CSMD1: variants seen among roughly 807,000 people sequenced by gnomAD.
CSMD1 encodes the protein CUB and sushi domain-containing protein 1.
In CSMD1, 213 loss-of-function variants were observed where a neutral mutation model predicts 417.5. The ratio of observed to expected loss-of-function variants is 0.51; its 90% CI spans 0.46 to 0.57. The LOEUF is 0.57. Ranked by LOEUF, CSMD1 falls within the 20% of genes least tolerant of loss-of-function variation. The pLI is 0.00. For synonymous variants in CSMD1, 2,862 were observed against 1,736.8 expected (o/e 1.65, Z -16.11); for missense variants, 6,923 against 4,529.7 (o/e 1.53, Z -15.17).
chr8:3,362,938 G>C (rs543017328), intron 20 of CSMD1, among the ~76,000 whole-genome samples: 29 of 152,160 alleles, frequency 1.9e-4, no homozygotes, highest in Non-Finnish European at 3.8e-4. Context: ...CATTGAAAAA[G>C]CTCAGATCAT....
chr8:3,872,285 G>C (rs540432978), intron 5 of CSMD1, among the ~76,000 whole-genome samples: 17 of 152,086 alleles, frequency 1.1e-4, no homozygotes, highest in Non-Finnish European at 1.8e-4. Flanking sequence ...GTCAGGTTTG[G>C]GGTCACCCTG....
chr8:4,544,167 G>A (rs1168063647), intron 2 of CSMD1, among the ~76,000 whole-genome samples: 2 of 152,068 alleles, frequency 1.3e-5, no homozygotes, highest in Admixed American at 6.6e-5. Flanking sequence ...CACCTTTGAT[G>A]TTGTATGTAA....
At chr8:3,374,246 A>G (rs1052347370) in intron 18 of CSMD1, among the ~76,000 whole-genome samples, 1 of 152,120 alleles carries the variant, frequency 6.6e-6, no homozygotes, top group African/African-American at 2.4e-5. Flanking sequence ...GGCGTGAGCC[A>G]CCATGTCCGA....
At chr8:3,265,607 C>T (rs534396069) in intron 26 of CSMD1, among the ~76,000 whole-genome samples, 1 of 152,252 alleles carries the variant, frequency 6.6e-6, no homozygotes, top group African/African-American at 2.4e-5. Context: ...TGTCAGGAAC[C>T]AAGAGTGAAG....
At chr8:3,341,048 C>G (rs1391922791) in intron 23 of CSMD1, among the ~76,000 whole-genome samples, 1 of 152,180 alleles carries the variant, frequency 6.6e-6, no homozygotes, top group Non-Finnish European at 1.5e-5. Flanking sequence ...TAGATTCAAG[C>G]TTTTACAAAG....
At chr8:3,563,053 G>T (rs1054015035) in intron 10 of CSMD1, among the ~76,000 whole-genome samples, 1 of 151,588 alleles carries the variant, frequency 6.6e-6, no homozygotes, top group Non-Finnish European at 1.5e-5. Context: ...TTCTTTGCTT[G>T]GTCATGATCT....
chr8:3,367,558 A>C (rs953600629), intron 19 of CSMD1, among the ~76,000 whole-genome samples: 1 of 152,206 alleles, frequency 6.6e-6, no homozygotes, highest in Non-Finnish European at 1.5e-5. Context: ...AAATATTAAA[A>C]TGTTATCTTG....
intron 12 of CSMD1, among the ~76,000 whole-genome samples, chr8:3,455,547 G>A (rs922214650): frequency 1.3e-5 from 2 of 152,216 alleles, no homozygotes; most frequent in Non-Finnish European, 2.9e-5. Context: ...ACCCTCAGCT[G>A]CAGGTCTGTT....
intron 7 of CSMD1, chr8:3,700,576 G>A (rs1800801634): frequency 6.6e-6 from 1 of 152,362 alleles, no homozygotes; most frequent in African/African-American, 2.4e-5. Flanking sequence ...GGGAGAAGTT[G>A]TGGATGCTCA....
At chr8:3,130,399 G>T (rs529320264) in intron 41 of CSMD1, among the ~76,000 whole-genome samples, 1 of 152,030 alleles carries the variant, frequency 6.6e-6, no homozygotes, top group African/African-American at 2.4e-5. Flanking sequence ...CCAATTCCTG[G>T]AAGCCTCTTC....
At chr8:4,665,407 G>T (rs1236454149) in intron 1 of CSMD1, among the ~76,000 whole-genome samples, 1 of 152,192 alleles carries the variant, frequency 6.6e-6, no homozygotes, top group African/African-American at 2.4e-5. Flanking sequence ...TGAAAGTTAT[G>T]TCACACATAA....
intron 10 of CSMD1, among the ~76,000 whole-genome samples, chr8:3,531,771 G>A (rs542957193): frequency 3.3e-5 from 5 of 152,298 alleles, no homozygotes; most frequent in East Asian, 3.9e-4. Context: ...CTGGAAGATC[G>A]GGCTGCAAAC....
chr8:4,203,573 T>C (rs962592673), intron 3 of CSMD1, among the ~76,000 whole-genome samples: 1 of 152,120 alleles, frequency 6.6e-6, no homozygotes, highest in African/African-American at 2.4e-5. Context: ...GAAGTCAGTG[T>C]AGCTGGGAGA....
chr8:3,345,339 C>T (rs1407913322), intron 22 of CSMD1, among the ~76,000 whole-genome samples: 1 of 152,136 alleles, frequency 6.6e-6, no homozygotes, highest in Non-Finnish European at 1.5e-5. Context: ...TTCAGAACAA[C>T]AATTCTGCGT....
chr8:3,286,540 C>G (rs899243407), intron 25 of CSMD1, among the ~76,000 whole-genome samples: 3 of 152,094 alleles, frequency 2.0e-5, no homozygotes, highest in Non-Finnish European at 4.4e-5. Flanking sequence ...GAGATGGTAT[C>G]TCATTGTGGT....
At chr8:3,744,875 G>C (rs1022857340) in intron 6 of CSMD1, among the ~76,000 whole-genome samples, 1 of 152,150 alleles carries the variant, frequency 6.6e-6, no homozygotes, top group South Asian at 2.1e-4. Flanking sequence ...ATAGAGTAAG[G>C]GATGGTGTTC....
intron 5 of CSMD1, among the ~76,000 whole-genome samples, chr8:3,961,152 T>C (rs1463884966): frequency 6.6e-6 from 1 of 152,332 alleles, no homozygotes; most frequent in Non-Finnish European, 1.5e-5. Flanking sequence ...TAATAGTCTC[T>C]GTATTTCACT....
At chr8:3,541,259 C>CTCAA (rs1462684851) in intron 10 of CSMD1, among the ~76,000 whole-genome samples, 10 of 152,238 alleles carry the variant, frequency 6.6e-5, no homozygotes, top group Admixed American at 2.0e-4. Context: ...AGCCATTACC[C>CTCAA]TCAAAGTAAT....
In CSMD1 at chr8:4,164,475, A is replaced by G. The variant is rs187396127; in HGVS notation, c.416-132376T>C. On this transcript the variant is annotated intron_variant, in intron 3 of 69. Coordinates refer to ENST00000635120, the MANE Select transcript of CSMD1 (RefSeq NM_033225.6). ...GCATGCTTCCCAGAAATGAACCCCTAAACTAATCAAACGCAATGCCAGCTA... is the reference window on the plus strand; with the variant it reads ...GCATGCTTCCCAGAAATGAACCCCTGAACTAATCAAACGCAATGCCAGCTA... 3.2e-3 allele frequency among the ~76,000 whole-genome samples: 491 copies of G among 152,242 alleles called. 1 individual carries two copies. The highest frequency in any genetic ancestry group is 0.011 in the African/African-American group (456 of 41,526).
Sources: gnomAD v4.1 joint callset for allele counts (sites outside exome capture counted in the v4.1 genomes callset) on GRCh38, gnomAD v4.1.1 for gene constraint, MANE v1.5 for transcripts, NCBI Gene and HGNC (gene_info 2026-07-23, HGNC 2026-07-21) for gene names.